The following CSMD1 variants were observed in gnomAD, a reference collection of about 807,000 sequenced individuals.
CSMD1 encodes the protein CUB and Sushi multiple domains 1, also known as CUB and sushi domain-containing protein 1.
Under a neutral mutation model 417.5 loss-of-function variants are expected in CSMD1, and 213 were observed. That is an observed-to-expected ratio of 0.51 (90% confidence interval 0.46 to 0.57). CSMD1 has a LOEUF of 0.57. Among genes scored for constraint, CSMD1 ranks in the 20% least tolerant of loss-of-function variants. The pLI is 0.00. For missense variants in CSMD1, 6,923 were observed against 4,529.7 expected, an observed-to-expected ratio of 1.53 and a Z score of -15.17; for synonymous variants, 2,862 against 1,736.8, an observed-to-expected ratio of 1.65 and a Z score of -16.11.
chr8:4,035,704 A>G (rs1205802824), intron 3 of CSMD1, among the ~76,000 whole-genome samples: 1 of 152,262 alleles, frequency 6.6e-6, no homozygotes, highest in Non-Finnish European at 1.5e-5. Flanking sequence ...TTATGTTTTC[A>G]GTTAAATATT....
chr8:4,370,389 G>A (rs1287457565), intron 3 of CSMD1, among the ~76,000 whole-genome samples: 1 of 152,042 alleles, frequency 6.6e-6, no homozygotes, highest in African/African-American at 2.4e-5. Flanking sequence ...CTTTCTCACA[G>A]ACCTTGGAAA....
chr8:4,892,274 T>C (rs1406896818), intron 1 of CSMD1, among the ~76,000 whole-genome samples: 2 of 152,062 alleles, frequency 1.3e-5, no homozygotes, highest in African/African-American at 4.8e-5. Context: ...GGTAGCCAGG[T>C]GTCCCTTTAT....
Position 3,157,920 on chromosome 8 carries a change from T to A in CSMD1, c.5891A>T (p.Asn1964Ile). Reference protein sequence around the residue: ...SCMPGTVRRWNYPSPLCIATC... With the variant: ...SCMPGTVRRWIYPSPLCIATC... The stretch of plus-strand genomic sequence containing the variant: ...ACCAATGCACAGGGGAGACGGATAG[T>A]TCCAACGGCGAACGGTCCCTGGCAT... Residue 1964 changes from asparagine (N) to isoleucine (I), a missense_variant, in exon 39 of 70, where the codon AAC (asparagine) becomes ATC (isoleucine). Asn to Ile is a moderately radical substitution (Grantham distance 149, BLOSUM62 -3). Transcript: ENST00000635120. 2 of 1,554,780 alleles carry A rather than the reference T, an allele frequency of 1.3e-6. No individual in the cohort carries two copies. Among genetic ancestry groups the A allele is most frequent in the Non-Finnish European group, 8.7e-7 (1 of 1,148,698 alleles).
chr8:4,206,420 C>T (rs1056890754), intron 3 of CSMD1, among the ~76,000 whole-genome samples: 1 of 152,054 alleles, frequency 6.6e-6, no homozygotes, highest in African/African-American at 2.4e-5. Flanking sequence ...CCACCTATGA[C>T]TGAGAACATG....
chr8:4,970,391 T>C (rs35380265), intron 1 of CSMD1, among the ~76,000 whole-genome samples: 39,078 of 152,072 alleles, frequency 0.26, 6,352 homozygotes, highest in Non-Finnish European at 0.37. Flanking sequence ...GCTAATGTTA[T>C]CATTATTTTT....
chr8:4,412,529 A>T (rs11786224), intron 3 of CSMD1, among the ~76,000 whole-genome samples: 7,724 of 152,196 alleles, frequency 0.051, 233 homozygotes, highest in Middle Eastern at 0.088. Context: ...ATTTTATCGG[A>T]AAATTACCCA....
intron 54 of CSMD1, among the ~76,000 whole-genome samples, chr8:2,987,390 G>C (rs943719498): frequency 6.8e-6 from 1 of 148,076 alleles, no homozygotes; most frequent in Admixed American, 6.8e-5. Context: ...AAGTATATAA[G>C]AAACAGAAAT....
At chr8:3,819,243 C>T (rs1042206366) in intron 5 of CSMD1, among the ~76,000 whole-genome samples, 2 of 152,126 alleles carry the variant, frequency 1.3e-5, no homozygotes, top group African/African-American at 4.8e-5. Flanking sequence ...TGTAGTCAAA[C>T]ACCTCTGCTT....
At chr8:3,351,520 C>G (rs1280609331) in intron 21 of CSMD1, among the ~76,000 whole-genome samples, 1 of 151,016 alleles carries the variant, frequency 6.6e-6, no homozygotes. Flanking sequence ...CTGCTTGAAC[C>G]CAGGAAGCAG....
At chr8:4,982,764 C>T (rs1037513606) in intron 1 of CSMD1, among the ~76,000 whole-genome samples, 7 of 152,262 alleles carry the variant, frequency 4.6e-5, no homozygotes, top group South Asian at 4.1e-4. Flanking sequence ...CCCCAAAGTT[C>T]GGCTTGGCTA....
At chr8:3,494,290 T>C (rs1393901762) in intron 10 of CSMD1, among the ~76,000 whole-genome samples, 1 of 152,212 alleles carries the variant, frequency 6.6e-6, no homozygotes, top group African/African-American at 2.4e-5. Flanking sequence ...CACCAAGACA[T>C]CTGTACAACA....
chr8:4,043,916 G>T (rs947875881), intron 3 of CSMD1, among the ~76,000 whole-genome samples: 1 of 152,074 alleles, frequency 6.6e-6, no homozygotes, highest in East Asian at 1.9e-4. Flanking sequence ...AATCTGTATA[G>T]ACCTATGATA....
At chr8:4,021,208 T>C (rs1022078557) in intron 4 of CSMD1, among the ~76,000 whole-genome samples, 3 of 152,214 alleles carry the variant, frequency 2.0e-5, no homozygotes, top group African/African-American at 7.2e-5. Context: ...GAAATACACA[T>C]CAGATTTTGA....
chr8:3,461,436 G>C (rs10448103), intron 12 of CSMD1, among the ~76,000 whole-genome samples: 75,049 of 152,046 alleles, frequency 0.49, 19,061 homozygotes, highest in Middle Eastern at 0.59. Flanking sequence ...CCAGAGGCTG[G>C]AATACATGGG....
chr8:3,047,647 T>A (rs1434118834), intron 50 of CSMD1, among the ~76,000 whole-genome samples: 3 of 152,212 alleles, frequency 2.0e-5, no homozygotes, highest in Non-Finnish European at 4.4e-5. Flanking sequence ...TGCTTCTCCC[T>A]TCCTTTACCC....
At chr8:4,589,682 C>A (rs142473359) in intron 2 of CSMD1, among the ~76,000 whole-genome samples, 7 of 152,080 alleles carry the variant, frequency 4.6e-5, no homozygotes, top group Non-Finnish European at 1.0e-4. Flanking sequence ...AAATAACCTC[C>A]GCAATTGTTG....
At chr8:3,614,322 C>G (rs1802033574) in intron 8 of CSMD1, among the ~76,000 whole-genome samples, 1 of 152,100 alleles carries the variant, frequency 6.6e-6, no homozygotes, top group Admixed American at 6.6e-5. Context: ...GGCTATACGT[C>G]TGCACAACCT....
intron 2 of CSMD1, among the ~76,000 whole-genome samples, chr8:4,614,091 G>A (rs1284620647): frequency 6.6e-6 from 1 of 152,136 alleles, no homozygotes; most frequent in Non-Finnish European, 1.5e-5. Context: ...TTACTGGCAA[G>A]CCAATGTGAG....
intron 2 of CSMD1, among the ~76,000 whole-genome samples, chr8:4,478,980 A>T (rs1526337): frequency 0.42 from 63,482 of 152,054 alleles, 15,657 homozygotes; most frequent in Non-Finnish European, 0.54. Flanking sequence ...ATTCCCCCAA[A>T]AGGAACGATA....
Sources: gnomAD v4.1 joint callset for allele counts (sites outside exome capture counted in the v4.1 genomes callset) on GRCh38, gnomAD v4.1.1 for gene constraint, MANE v1.5 for transcripts, NCBI Gene and HGNC (gene_info 2026-07-23, HGNC 2026-07-21) for gene names.